The following NR4A3 variants were observed in gnomAD, a reference collection of about 807,000 sequenced individuals.
NR4A3 encodes nuclear receptor subfamily 4 group A member 3.
Under a neutral mutation model 55.6 loss-of-function variants are expected in NR4A3, and 13 were observed. The observed-to-expected ratio is 0.23, with a 90% CI of 0.15 to 0.37. The LOEUF is 0.37. NR4A3 is among the 10% of genes least tolerant of loss of function. The pLI is 1.00. For missense variants in NR4A3, 646 were observed against 822.8 expected, an observed-to-expected ratio of 0.79 and a Z score of 2.63; for synonymous variants, 342 against 357.9, an observed-to-expected ratio of 0.96 and a Z score of 0.50.
intron 5 of NR4A3, among the ~76,000 whole-genome samples, chr9:99,842,729 CA>C (rs558687882): frequency 1.1e-3 from 159 of 141,232 alleles, no homozygotes; most frequent in Middle Eastern, 3.7e-3. Flanking sequence ...GACACCATCT[CA>C]AAAAAAAAAA....
In NR4A3 at chr9:99,828,471, C is replaced by T. The variant is rs1827359492; in HGVS notation, c.429C>T (p.Pro143=). 1 of 1,576,612 alleles carries T rather than the reference C, an allele frequency of 6.3e-7. No homozygotes were observed. The highest frequency in any genetic ancestry group is 8.6e-7 in the Non-Finnish European group (1 of 1,162,846). ...MYFKQSPPST[P]TTPAFPPQAG... The stretch of plus-strand genomic sequence containing the variant: ...TCAAGCAGTCCCCACCGTCCACCCC[C>T]ACCACGCCGGCCTTCCCCCCGCAGG... The change falls in exon 3 of 8, where the codon CCC becomes CCT. Residue 143 remains proline (P), a synonymous_variant. Transcript: ENST00000395097. The surrounding 1 kb of genome is among the most constrained non-coding windows in gnomAD (Gnocchi z 7.7).
At chr9:99,847,368 G>A in intron 6 of NR4A3, 69 bp from the exon 7 acceptor site, 1 of 1,472,498 alleles carries the variant, frequency 6.8e-7, no homozygotes, top group South Asian at 1.2e-5. Context: ...GTGCCTGTGT[G>A]TCATAATGTT....
rs140220595 is a variant in NR4A3 at position 99,828,645 on chromosome 9, C to A, written c.603C>A (p.Pro201=). The change falls in exon 3 of 8, where the codon CCC becomes CCA. Residue 201 remains proline, a synonymous_variant. Transcript: ENST00000395097. The surrounding 1 kb of genome is among the most constrained non-coding windows in gnomAD (Gnocchi z 7.7). ...TCAAGCCCTCGCCGCCGCATCCCCCCGCGCCCAGCCCGGCCGGCGGCCACC... is the reference window on the plus strand; with the variant it reads ...TCAAGCCCTCGCCGCCGCATCCCCCAGCGCCCAGCCCGGCCGGCGGCCACC... The part of the protein sequence containing the change: ...FHFKPSPPHP[P]APSPAGGHHL... 4.8e-6 allele frequency: 7 copies of A among 1,444,784 alleles called. No individual in the cohort carries two copies. The South Asian group carries it at 8.3e-5, about 17-fold the overall frequency. 89.5% of individuals were successfully genotyped at this position (1,444,784 alleles called of 1,614,324 possible).
chr9:99,848,548 C>A lies in NR4A3; in HGVS notation c.1633+933C>A, dbSNP rs867978668. Among the ~76,000 whole-genome samples, 8 of 152,240 alleles carry A rather than the reference C, an allele frequency of 5.3e-5. No individual in the cohort carries two copies. The South Asian group carries it at 1.5e-3, about 28-fold the overall frequency. On this transcript the variant is annotated intron_variant, in intron 7 of 7. Coordinates refer to ENST00000395097, the MANE Select transcript of NR4A3 (RefSeq NM_006981.4). ...TTAGTAGAGATGGGATTTCATCATG[C>A]TGGCCAGGCTGGTCTCGAACTCCTG... is the stretch of plus-strand genomic sequence containing the variant.
chr9:99,864,909 G>C lies in NR4A3; in HGVS notation c.*1042G>C. The C allele has an allele frequency of 4.8e-6, 1 of 209,424 alleles. No homozygotes were observed. The highest frequency in any genetic ancestry group is 2.3e-5 in the African/African-American group (1 of 44,098). 13.0% of individuals were successfully genotyped at this position (209,424 alleles called of 1,614,324 possible). ...ACAGGGTAAGCACCAGGGACAATAAGGATTTTTATAGATATAATTTAATTT... is the reference window on the plus strand; with the variant it reads ...ACAGGGTAAGCACCAGGGACAATAACGATTTTTATAGATATAATTTAATTT... On this transcript the variant is annotated 3_prime_UTR_variant, in exon 8 of 8. Coordinates refer to ENST00000395097, the MANE Select transcript of NR4A3 (RefSeq NM_006981.4).
chr9:99,840,357 T>A (rs1827631607), intron 5 of NR4A3, among the ~76,000 whole-genome samples: 1 of 152,194 alleles, frequency 6.6e-6, no homozygotes, highest in African/African-American at 2.4e-5. Flanking sequence ...AGCTACACAC[T>A]TTGATGGATT....
Position 99,828,134 on chromosome 9 carries a change from T to C in NR4A3, c.92T>C (p.Met31Thr), listed in dbSNP as rs976520491. The change falls in exon 3 of 8, where the codon ATG (methionine) becomes ACG (threonine). Residue 31 changes from methionine to threonine, a missense_variant. Met to Thr is a moderately conservative substitution (Grantham distance 81, BLOSUM62 -1). Transcript: ENST00000395097. The surrounding 1 kb of genome is among the most constrained non-coding windows in gnomAD (Gnocchi z 7.7). Reference protein sequence around the residue: ...TYSSEYTTEIMNPDYTKLTMD... With the variant: ...TYSSEYTTEITNPDYTKLTMD... ...AGCTCGGAATACACCACGGAGATCA[T>C]GAACCCCGACTACACCAAGCTGACC... 6.2e-7 allele frequency: 1 copy of C among 1,613,988 alleles called. No individual in the cohort carries two copies. Among genetic ancestry groups the C allele is most frequent in the Admixed American group, 1.7e-5 (1 of 60,026 alleles).
chr9:99,850,091 G>A (rs1827821282), intron 7 of NR4A3, among the ~76,000 whole-genome samples: 1 of 152,212 alleles, frequency 6.6e-6, no homozygotes, highest in Non-Finnish European at 1.5e-5. Context: ...GGAGTGACAG[G>A]AGATGTGACT....
intron 7 of NR4A3, among the ~76,000 whole-genome samples, chr9:99,849,714 G>C (rs992597473): frequency 7.9e-5 from 12 of 152,222 alleles, no homozygotes; most frequent in African/African-American, 2.9e-4. Context: ...GCAGTACATT[G>C]CTTCATCTCC....
At chr9:99,856,697 A>G (rs890081926) in intron 7 of NR4A3, among the ~76,000 whole-genome samples, 1 of 152,212 alleles carries the variant, frequency 6.6e-6, no homozygotes, top group African/African-American at 2.4e-5. Context: ...CAAGCATCTT[A>G]TGGGGACTAG....
rs764917630 is a variant in NR4A3, at chr9:99,863,652, G to A, written c.1666G>A (p.Glu556Lys). The change falls in exon 8 of 8, where the codon GAA becomes AAA. Residue 556 changes from glutamate (E) to lysine (K), a missense_variant. Physicochemically the swap from Glu to Lys is moderately conservative, Grantham distance 56 (BLOSUM62 1). Transcript: ENST00000395097. Reference sequence around the variant, plus strand: ...TGGGTTAAAAGAACCAAAGAGAGTCGAAGAGCTATGCAACAAGATCACAAG... The same window carrying A: ...TGGGTTAAAAGAACCAAAGAGAGTCAAAGAGCTATGCAACAAGATCACAAG... Reference protein sequence around the residue: ...RHGLKEPKRVEELCNKITSSL... With the variant: ...RHGLKEPKRVKELCNKITSSL... 1.7e-5 allele frequency: 28 copies of A among 1,613,740 alleles called. No homozygotes were observed. Among genetic ancestry groups the A allele is most frequent in the South Asian group, 5.5e-5 (5 of 91,054 alleles).
At chr9:99,836,392 A>T (rs1398192465) in intron 5 of NR4A3, among the ~76,000 whole-genome samples, 1 of 152,204 alleles carries the variant, frequency 6.6e-6, no homozygotes, top group African/African-American at 2.4e-5. Flanking sequence ...GAAGGGAGGG[A>T]TGCCACATTA....
chr9:99,839,023 A>G (rs1015461656), intron 5 of NR4A3, among the ~76,000 whole-genome samples: 2 of 152,264 alleles, frequency 1.3e-5, no homozygotes, highest in African/African-American at 4.8e-5. Flanking sequence ...TTCCAGGGCA[A>G]TGGACACGTT....
At chr9:99,861,932 A>C (rs1828014848) in intron 7 of NR4A3, among the ~76,000 whole-genome samples, 1 of 151,718 alleles carries the variant, frequency 6.6e-6, no homozygotes, top group Admixed American at 6.6e-5. Context: ...CTCTACAAAA[A>C]ATAATTTAAA....
chr9:99,850,754 T>C (rs1827834667), intron 7 of NR4A3, among the ~76,000 whole-genome samples: 1 of 152,200 alleles, frequency 6.6e-6, no homozygotes, highest in Non-Finnish European at 1.5e-5. Context: ...GTCTATGTCA[T>C]AGGGCAGCAG....
At chr9:99,844,332 C>T (rs914516126) in intron 5 of NR4A3, among the ~76,000 whole-genome samples, 8 of 152,168 alleles carry the variant, frequency 5.3e-5, no homozygotes, top group Non-Finnish European at 1.2e-4. Context: ...AATCTCTAGG[C>T]GCAGGACCCA....
chr9:99,857,473 G>T (rs1827947043), intron 7 of NR4A3, among the ~76,000 whole-genome samples: 1 of 152,110 alleles, frequency 6.6e-6, no homozygotes, highest in South Asian at 2.1e-4. Flanking sequence ...TGTGGAAACA[G>T]ACCCAAAGTC....
chr9:99,846,867 C>G (rs1186598491), intron 6 of NR4A3, among the ~76,000 whole-genome samples: 2 of 152,164 alleles, frequency 1.3e-5, no homozygotes, highest in Non-Finnish European at 2.9e-5. Context: ...AAGCTGGTCT[C>G]AAACTCCTGA....
rs1203412098 is a variant in NR4A3, at chr9:99,866,704, A to G, written c.*2837A>G. On this transcript the variant is annotated 3_prime_UTR_variant, in exon 8 of 8. Transcript: ENST00000395097. ...GTGTGAACATGCCTTCTGTGGGCGG[A>G]AATCAGGAAGCCACCAGCTGTTAAT... is the stretch of plus-strand genomic sequence containing the variant. The G allele has an allele frequency of 8.9e-6, 2 of 224,010 alleles. No homozygotes were observed. The highest frequency in any genetic ancestry group is 1.3e-4 in the East Asian group (2 of 15,598). The allele number at this position is 224,010 out of a possible 1,614,324, so 13.9% of individuals were successfully genotyped here. A position where few individuals can be genotyped will look rare whatever the true frequency, so the allele number is the denominator to read the frequency against.
Sources: allele counts gnomAD v4.1 joint callset (sites outside exome capture counted in the v4.1 genomes callset), GRCh38; gene constraint gnomAD v4.1.1; non-coding constraint Gnocchi (gnomAD v3.1); transcripts MANE v1.5; gene names NCBI Gene and HGNC (gene_info 2026-07-23, HGNC 2026-07-21).